DPP10: variants seen among roughly 807,000 people sequenced by gnomAD.
DPP10 encodes the protein dipeptidyl peptidase like 10, also known as inactive dipeptidyl peptidase 10.
Under a neutral mutation model 120.9 loss-of-function variants are expected in DPP10, and 33 were observed. The ratio of observed to expected loss-of-function variants is 0.27; its 90% CI spans 0.21 to 0.37. The LOEUF is 0.37. Ranked by LOEUF, DPP10 falls within the 10% of genes least tolerant of loss-of-function variation. The probability of loss-of-function intolerance (pLI) is 1.00; values close to 1 mark genes in which losing one functional copy is unlikely to be tolerated. For synonymous variants in DPP10, 337 were observed against 326.1 expected (o/e 1.03, Z -0.36); for missense variants, 816 against 942.8 (o/e 0.87, Z 1.76).
At chr2:115,451,434 G>A (rs1223680058) in intron 3 of DPP10, among the ~76,000 whole-genome samples, 2 of 151,858 alleles carry the variant, frequency 1.3e-5, no homozygotes, top group African/African-American at 4.8e-5. Context: ...AAGTGTTGCA[G>A]ACAAAAATAA....
At chr2:114,536,408 C>CTTTTTT (rs70937287) in intron 1 of DPP10, among the ~76,000 whole-genome samples, 86 of 128,692 alleles carry the variant, frequency 6.7e-4, no homozygotes, top group African/African-American at 1.1e-3. Context: ...TTTTCTTTTT[C>CTTTTTT]TTTTTTTTTT....
At chr2:115,676,564 T>A (rs1312258480) in intron 5 of DPP10, among the ~76,000 whole-genome samples, 2 of 152,076 alleles carry the variant, frequency 1.3e-5, no homozygotes, top group Non-Finnish European at 2.9e-5. Context: ...TAAAAATAAG[T>A]GCTTCATCAA....
intron 1 of DPP10, among the ~76,000 whole-genome samples, chr2:114,841,577 A>C (rs2106449977): frequency 6.6e-6 from 1 of 152,206 alleles, no homozygotes; most frequent in Admixed American, 6.6e-5. Flanking sequence ...TTTCCAGCCA[A>C]GTTATGGATT....
intron 1 of DPP10, among the ~76,000 whole-genome samples, chr2:114,742,892 T>G (rs1047491968): frequency 6.6e-6 from 1 of 152,202 alleles, no homozygotes; most frequent in Admixed American, 6.5e-5. Context: ...AACGAGGCAT[T>G]TTTAAACTGA....
chr2:115,415,048 C>T (rs1166858428), intron 3 of DPP10, among the ~76,000 whole-genome samples: 1 of 152,076 alleles, frequency 6.6e-6, no homozygotes, highest in East Asian at 1.9e-4. Flanking sequence ...CTTACTTGTG[C>T]CTTATTCTGT....
intron 5 of DPP10, among the ~76,000 whole-genome samples, chr2:115,676,248 A>G (rs6542288): frequency 0.95 from 145,264 of 152,284 alleles, 69,539 homozygotes; most frequent in Non-Finnish European, 1. Flanking sequence ...ATGGCCACAA[A>G]GGCACTTAGA....
At chr2:114,658,377 A>T (rs1365867179) in intron 1 of DPP10, among the ~76,000 whole-genome samples, 1 of 152,194 alleles carries the variant, frequency 6.6e-6, no homozygotes, top group African/African-American at 2.4e-5. Flanking sequence ...AAGATAGGAG[A>T]TTAATGAGAA....
chr2:114,813,935 C>T (rs941665243), intron 1 of DPP10, among the ~76,000 whole-genome samples: 17 of 132,902 alleles, frequency 1.3e-4, no homozygotes, highest in South Asian at 2.4e-4. Context: ...TACAGTGGCA[C>T]GCATGAACAC....
At chr2:114,925,440 G>A (rs1695550534) in intron 1 of DPP10, among the ~76,000 whole-genome samples, 1 of 152,036 alleles carries the variant, frequency 6.6e-6, no homozygotes, top group Non-Finnish European at 1.5e-5. Context: ...TGTGTTTATC[G>A]AGATGACTGA....
In DPP10 at chr2:114,478,891, A is replaced by G. The variant is rs146298130; in HGVS notation, c.60+36053A>G. Among the ~76,000 whole-genome samples the G allele has an allele frequency of 4.2e-4, 64 of 151,928 alleles. 1 individual carries two copies. Among genetic ancestry groups the G allele is most frequent in the Non-Finnish European group, 8.5e-4 (58 of 67,916 alleles). On this transcript the variant is annotated intron_variant, in intron 1 of 25. Transcript: ENST00000410059. ...GCATGTACAGAATCTGTATGCTGAA[A>G]ATGACAAAATGCTGATGAAAGAAAT...
chr2:115,784,340 A>T (rs569601471), intron 17 of DPP10, among the ~76,000 whole-genome samples: 1 of 152,304 alleles, frequency 6.6e-6, no homozygotes, highest in South Asian at 2.1e-4. Flanking sequence ...AGAAAATTTT[A>T]AAAAAGAAAA....
chr2:114,596,138 A>G (rs1691888372), intron 1 of DPP10, among the ~76,000 whole-genome samples: 1 of 75,526 alleles, frequency 1.3e-5, no homozygotes, highest in African/African-American at 5.4e-5. Context: ...AATCAAATTC[A>G]ATTTGAAAAT....
At chr2:115,088,532 T>C (rs1230662250) in intron 1 of DPP10, among the ~76,000 whole-genome samples, 1 of 152,060 alleles carries the variant, frequency 6.6e-6, no homozygotes, top group Non-Finnish European at 1.5e-5. Flanking sequence ...CACAGCAGCC[T>C]TGACCTCCTG....
At chr2:114,768,145 A>AAG in intron 1 of DPP10, among the ~76,000 whole-genome samples, 1 of 150,866 alleles carries the variant, frequency 6.6e-6, no homozygotes, top group Middle Eastern at 3.4e-3. Flanking sequence ...AAAAAAAAAA[A>AAG]AGTTCTCAGA....
intron 1 of DPP10, among the ~76,000 whole-genome samples, chr2:114,730,219 AT>A (rs1676760256): frequency 6.6e-6 from 1 of 152,222 alleles, no homozygotes; most frequent in Admixed American, 6.5e-5. Context: ...TTTAATAGGC[AT>A]TGACTAAAGC....
At chr2:115,089,301 C>A (rs183865504) in intron 1 of DPP10, among the ~76,000 whole-genome samples, 123 of 152,252 alleles carry the variant, frequency 8.1e-4, no homozygotes, top group Non-Finnish European at 1.4e-3. Context: ...CCAATCTAAT[C>A]ATTCTTTTCT....
chr2:114,796,741 A>G (rs569053334), intron 1 of DPP10, among the ~76,000 whole-genome samples: 39 of 152,324 alleles, frequency 2.6e-4, no homozygotes, highest in African/African-American at 8.4e-4. Flanking sequence ...ACTCATAACC[A>G]TAAATGGCTG....
chr2:114,929,218 A>C (rs1039752753), intron 1 of DPP10, among the ~76,000 whole-genome samples: 3 of 152,172 alleles, frequency 2.0e-5, no homozygotes, highest in African/African-American at 4.8e-5. Flanking sequence ...GAGGCAGAGC[A>C]AGATCACAAG....
At chr2:115,299,413 G>C (rs1454357246) in intron 1 of DPP10, among the ~76,000 whole-genome samples, 2 of 151,962 alleles carry the variant, frequency 1.3e-5, no homozygotes, top group Non-Finnish European at 2.9e-5. Flanking sequence ...GGCTTCAGCA[G>C]TGAAAGGATT....
Sources: allele counts gnomAD v4.1 joint callset (sites outside exome capture counted in the v4.1 genomes callset), GRCh38; gene constraint gnomAD v4.1.1; transcripts MANE v1.5; gene names NCBI Gene and HGNC (gene_info 2026-07-23, HGNC 2026-07-21).